Variants in HS3ST5 observed in about 807,000 individuals in gnomAD.
HS3ST5 encodes the protein heparan sulfate-glucosamine 3-sulfotransferase 5, also known as heparan sulfate glucosamine 3-O-sulfotransferase 5.
A neutral mutation model predicts 25.4 loss-of-function variants in HS3ST5; 10 were observed. The observed-to-expected ratio is 0.39, with a 90% CI of 0.24 to 0.67. The LOEUF is 0.67. HS3ST5 is among the 30% of genes least tolerant of loss of function. The probability of loss-of-function intolerance (pLI) is 0.44; values close to 1 mark genes in which losing one functional copy is unlikely to be tolerated. For missense variants in HS3ST5, 324 were observed against 420.7 expected (o/e 0.77, Z 2.01); for synonymous variants, 170 against 162.4 (o/e 1.05, Z -0.36).
Position 114,154,277 on chromosome 6 carries a change from G to A in HS3ST5, c.-33+14074C>T, listed in dbSNP as rs1006749716. Among the ~76,000 whole-genome samples, 8 of 152,260 alleles carry A rather than the reference G, an allele frequency of 5.3e-5. No individual in the cohort carries two copies. The South Asian group carries it at 1.0e-3, about 20-fold the overall frequency. ...CAGTGGGAAGGCGAGGTGAGTGAAA[G>A]CATGCTTATTTTCTGATCCTGCTCA... is the stretch of plus-strand genomic sequence containing the variant. On this transcript the variant is annotated intron_variant, in intron 3 of 4. Coordinates refer to ENST00000312719, the MANE Select transcript of HS3ST5 (RefSeq NM_153612.4).
At chr6:114,128,442 A>T (rs926023119) in intron 3 of HS3ST5, among the ~76,000 whole-genome samples, 3 of 140,100 alleles carry the variant, frequency 2.1e-5, no homozygotes, top group Admixed American at 2.0e-4. Context: ...GCCTGTCTAC[A>T]TGTCAGGCAC....
At chr6:114,232,457 C>A (rs1228058547) in intron 1 of HS3ST5, among the ~76,000 whole-genome samples, 1 of 152,114 alleles carries the variant, frequency 6.6e-6, no homozygotes, top group Non-Finnish European at 1.5e-5. Flanking sequence ...TCTCACAGTG[C>A]CAGGATTACA....
At chr6:114,225,086 G>C (rs112827067) in intron 2 of HS3ST5, among the ~76,000 whole-genome samples, 1 of 151,804 alleles carries the variant, frequency 6.6e-6, no homozygotes, top group South Asian at 2.1e-4. Flanking sequence ...CATAAGGGAT[G>C]GTGAATTCAT....
At chr6:114,289,094 T>A (rs1774461753) in intron 1 of HS3ST5, among the ~76,000 whole-genome samples, 1 of 152,108 alleles carries the variant, frequency 6.6e-6, no homozygotes, top group African/African-American at 2.4e-5. Flanking sequence ...TGAATATATT[T>A]AACCATTTAC....
In HS3ST5 at chr6:114,056,386, C is replaced by CTT. The variant is rs1772771948; in HGVS notation, c.*870_*871insAA. On this transcript the variant is annotated 3_prime_UTR_variant, in exon 5 of 5. Coordinates refer to ENST00000312719, the MANE Select transcript of HS3ST5 (RefSeq NM_153612.4). ...ATCTTTCCAAGTGCTCTCATATGCACGTAAACAGCTTCCATTTTGGAAGCC... is the reference window on the plus strand; with the variant it reads ...ATCTTTCCAAGTGCTCTCATATGCACTTGTAAACAGCTTCCATTTTGGAAGCC... The CTT allele has an allele frequency of 6.7e-6, 1 of 150,284 alleles. No homozygotes were observed. The highest frequency in any genetic ancestry group is 1.5e-5 in the Non-Finnish European group (1 of 67,800). The allele number at this position is 150,284 out of a possible 1,614,324, so 9.3% of individuals were successfully genotyped here.
chr6:114,122,294 C>T (rs769433791), intron 3 of HS3ST5, among the ~76,000 whole-genome samples: 22 of 152,184 alleles, frequency 1.4e-4, no homozygotes, highest in Non-Finnish European at 2.4e-4. Context: ...AACATTTCAT[C>T]ATTCACATAA....
chr6:114,180,239 C>G (rs1029072277), intron 2 of HS3ST5, among the ~76,000 whole-genome samples: 1 of 152,112 alleles, frequency 6.6e-6, no homozygotes, highest in Non-Finnish European at 1.5e-5. Flanking sequence ...CTCTCTAACT[C>G]TGGACATGGG....
intron 3 of HS3ST5, among the ~76,000 whole-genome samples, chr6:114,104,118 GATCTTTATAAGCTACAAAA>G (rs1775878383): frequency 6.6e-6 from 1 of 151,982 alleles, no homozygotes; most frequent in South Asian, 2.1e-4. Flanking sequence ...AAACTGTAGA[GATCTTTATAAGCTACAAAA>G]ATCATGACAG....
At chr6:114,093,749 A>AT (rs1348107258) in intron 3 of HS3ST5, among the ~76,000 whole-genome samples, 2 of 152,152 alleles carry the variant, frequency 1.3e-5, no homozygotes, top group East Asian at 1.9e-4. Context: ...GACAAAAAAA[A>AT]CGAAAACAAG....
chr6:114,213,532 A>G (rs1781613685), intron 2 of HS3ST5, among the ~76,000 whole-genome samples: 1 of 152,000 alleles, frequency 6.6e-6, no homozygotes, highest in African/African-American at 2.4e-5. Context: ...CCTTTCTCCC[A>G]GGTACAGTAT....
chr6:114,336,660 T>G (rs1048520536), intron 1 of HS3ST5, among the ~76,000 whole-genome samples: 2 of 152,052 alleles, frequency 1.3e-5, no homozygotes, highest in Non-Finnish European at 2.9e-5. Flanking sequence ...ACTATAAGAA[T>G]GAAGTAACTT....
intron 1 of HS3ST5, among the ~76,000 whole-genome samples, chr6:114,328,255 A>G (rs997177304): frequency 9.9e-5 from 15 of 151,846 alleles, no homozygotes; most frequent in African/African-American, 3.6e-4. Context: ...AGAAGGAAGG[A>G]AGGAAAGAAG....
chr6:114,093,353 TTGTGTGTGTGTGTGTGTGTG>T (rs60927880), intron 3 of HS3ST5, among the ~76,000 whole-genome samples: 2 of 134,204 alleles, frequency 1.5e-5, no homozygotes, highest in Non-Finnish European at 3.3e-5. Context: ...GTTTGTTTGT[TTGTGTGTGTGTGTGTGTGTG>T]TGTGTGTGTG....
chr6:114,138,798 C>T (rs1364643567), intron 3 of HS3ST5, among the ~76,000 whole-genome samples: 1 of 152,158 alleles, frequency 6.6e-6, no homozygotes, highest in Non-Finnish European at 1.5e-5. Context: ...ATAATGTGGA[C>T]TGGGTAGCTT....
At chr6:114,075,381 A>C (rs1355970628) in intron 3 of HS3ST5, among the ~76,000 whole-genome samples, 1 of 152,190 alleles carries the variant, frequency 6.6e-6, no homozygotes, top group Non-Finnish European at 1.5e-5. Context: ...AAGTAGCCAC[A>C]AACTACTCTC....
At chr6:114,093,353 TTGTG>T (rs60927880) in intron 3 of HS3ST5, among the ~76,000 whole-genome samples, 2,778 of 134,204 alleles carry the variant, frequency 0.021, 41 homozygotes, top group African/African-American at 0.043. Flanking sequence ...GTTTGTTTGT[TTGTG>T]TGTGTGTGTG....
At chr6:114,285,409 A>G (rs1368637507) in intron 1 of HS3ST5, among the ~76,000 whole-genome samples, 1 of 152,028 alleles carries the variant, frequency 6.6e-6, no homozygotes, top group African/African-American at 2.4e-5. Flanking sequence ...TTACCTATAT[A>G]ACAAATCTGC....
chr6:114,239,656 A>C (rs1316139684), intron 1 of HS3ST5, among the ~76,000 whole-genome samples: 5 of 152,140 alleles, frequency 3.3e-5, no homozygotes, highest in African/African-American at 1.2e-4. Context: ...AGTTGGATGC[A>C]GTTGGCCTCC....
intron 1 of HS3ST5, among the ~76,000 whole-genome samples, chr6:114,331,683 C>T (rs1776402759): frequency 6.6e-6 from 1 of 151,932 alleles, no homozygotes; most frequent in East Asian, 1.9e-4. Context: ...CAGGGGATGA[C>T]CATGCACATC....
Sources: gnomAD v4.1 joint callset for allele counts (sites outside exome capture counted in the v4.1 genomes callset) on GRCh38, gnomAD v4.1.1 for gene constraint, MANE v1.5 for transcripts, NCBI Gene and HGNC (gene_info 2026-07-23, HGNC 2026-07-21) for gene names.